Variants in LMNTD2 observed in about 807,000 individuals in gnomAD.
LMNTD2 encodes lamin tail domain-containing protein 2.
A neutral mutation model predicts 70.1 loss-of-function variants in LMNTD2; 83 were observed. The ratio of observed to expected loss-of-function variants is 1.18; its 90% CI spans 0.99 to 1.42. LMNTD2 has a LOEUF of 1.42. Ranked by LOEUF, LMNTD2 falls within the 40% of genes most tolerant of loss-of-function variation. The probability of loss-of-function intolerance (pLI) is 0.00; values close to 1 mark genes in which losing one functional copy is unlikely to be tolerated. For missense variants in LMNTD2, 1,153 were observed against 905.9 expected (o/e 1.27, Z -3.50); for synonymous variants, 534 against 406.1 (o/e 1.31, Z -3.79).
intron 7 of LMNTD2, 21 bp from the exon 8 acceptor site, chr11:557,118 G>C: frequency 2.6e-6 from 4 of 1,566,990 alleles, no homozygotes; most frequent in Non-Finnish European, 3.5e-6. Flanking sequence ...CGCTCTGCTT[G>C]ATGGCCACTC....
chr11:556,154 C>T (rs1034135367), intron 10 of LMNTD2, 38 bp downstream of exon 10: 110 of 1,314,484 alleles, frequency 8.4e-5, no homozygotes, highest in Non-Finnish European at 1.0e-4. Flanking sequence ...GGCGGCCGGG[C>T]CGGGCCGTCG....
In LMNTD2 at chr11:557,115, C is replaced by T; in HGVS notation, c.714-18G>A. 1.9e-6 allele frequency: 3 copies of T among 1,569,268 alleles called. No individual in the cohort carries two copies. Among genetic ancestry groups the T allele is most frequent in the Non-Finnish European group, 2.6e-6 (3 of 1,154,998 alleles). ...GGGGCTGCCTGTGGACCACGCTCTG[C>T]TTGATGGCCACTCCAGCTCCAGACC... is the stretch of plus-strand genomic sequence containing the variant. On this transcript the variant is annotated intron_variant, in intron 7 of 13. Transcript: ENST00000329451.
rs1326747154 is a variant in LMNTD2, at chr11:558,880, G to A, written c.134C>T (p.Pro45Leu). Residue 45 changes from proline to leucine, a missense_variant, in exon 2 of 14, where the codon CCG becomes CTG. By Grantham distance (98) the Pro-to-Leu change is moderately conservative. Coordinates refer to ENST00000329451, the MANE Select transcript of LMNTD2 (RefSeq NM_173573.3). ...CTGCGGGTCGGCAGAGCAGACCACC[G>A]GTGCGGGGTGGGGCGTGGTGTCTGG... ...CLPDTTPHPA[P>L]VVCSADPQLA... The A allele has an allele frequency of 6.8e-6, 11 of 1,609,978 alleles. No individual in the cohort carries two copies. Among genetic ancestry groups the A allele is most frequent in the Admixed American group, 1.7e-5 (1 of 59,950 alleles).
intron 8 of LMNTD2, 91 bp from the exon 9 acceptor site, chr11:556,679 G>T: frequency 7.1e-7 from 1 of 1,410,894 alleles, no homozygotes; most frequent in Non-Finnish European, 9.3e-7. Context: ...TGCAACGCCT[G>T]GCGGGGCAGG....
In LMNTD2 at chr11:554,854, G is replaced by T; in HGVS notation, c.*126C>A. ...CCAAACCAACATTTCCAGCTCTCAG[G>T]TGTACAGAAATGCGGTTTACTTTGT... On this transcript the variant is annotated 3_prime_UTR_variant, in exon 14 of 14. Coordinates refer to ENST00000329451, the MANE Select transcript of LMNTD2 (RefSeq NM_173573.3). 1.5e-6 allele frequency: 1 copy of T among 664,202 alleles called. No individual in the cohort carries two copies. The highest frequency in any genetic ancestry group is 2.4e-6 in the Non-Finnish European group (1 of 423,498). 41.1% of individuals were successfully genotyped at this position (664,202 alleles called of 1,614,324 possible). A position where few individuals can be genotyped will look rare whatever the true frequency, so the allele number is the denominator to read the frequency against.
In LMNTD2 at chr11:560,693, GCC is replaced by G; in HGVS notation, c.22_23del (p.Gly8GlnfsTer49). On this transcript the variant is annotated frameshift_variant, in exon 1 of 14. Transcript: ENST00000329451. LOFTEE classifies it high-confidence loss of function. Reference sequence around the variant, plus strand: ...GGGCCAGACACCTACCCCGACGCCTGCCCGCGGGCCGCAGCCACCGCATTTCC... The same window carrying G: ...GGGCCAGACACCTACCCCGACGCCTGCGCGGGCCGCAGCCACCGCATTTCC... MRWLRPAGRRREQESVSG... is the reference protein window; with the variant it reads MRWLRPAXRRREQESVSG... 6.9e-7 allele frequency: 1 copy of G among 1,440,872 alleles called. No homozygotes were observed. The highest frequency in any genetic ancestry group is 1.5e-5 in the African/African-American group (1 of 67,698). 89.3% of individuals were successfully genotyped at this position (1,440,872 alleles called of 1,614,324 possible).
chr11:558,699 G>T lies in LMNTD2; in HGVS notation c.226C>A (p.Gln76Lys). 6.2e-7 allele frequency: 1 copy of T among 1,606,160 alleles called. No homozygotes were observed. Among genetic ancestry groups the T allele is most frequent in the Non-Finnish European group, 8.5e-7 (1 of 1,177,422 alleles). ...LLWRQRELEI[Q>K]ALRWAIQNGE... Reference sequence around the variant, plus strand: ...TTCTGGATGGCCCACCGCAAGGCCTGGATCTCCAGTTCTCGCTGTCTCCAC... The same window carrying T: ...TTCTGGATGGCCCACCGCAAGGCCTTGATCTCCAGTTCTCGCTGTCTCCAC... Residue 76 changes from glutamine to lysine, a missense_variant, in exon 3 of 14, where the codon CAG (glutamine) becomes AAG (lysine). Transcript: ENST00000329451.
chr11:555,963 G>C, intron 11 of LMNTD2, 33 bp from the exon 12 acceptor site: 1 of 1,550,388 alleles, frequency 6.4e-7, no homozygotes, highest in Non-Finnish European at 8.6e-7. Flanking sequence ...CCACACCCCA[G>C]CCCCGGCCGC....
At chr11:555,700 G>A in intron 12 of LMNTD2, 34 bp downstream of exon 12, 1 of 1,371,928 alleles carries the variant, frequency 7.3e-7, no homozygotes, top group Non-Finnish European at 9.3e-7. Flanking sequence ...GGCCTGGGGA[G>A]GGAGGCCAGA....
At chr11:557,839 T>A in intron 5 of LMNTD2, 45 bp downstream of exon 5, 1 of 1,524,474 alleles carries the variant, frequency 6.6e-7, no homozygotes, top group Non-Finnish European at 8.8e-7. Flanking sequence ...TGGGGAGGGC[T>A]GGGGAGGGCA....
At chr11:555,559 G>A (rs903266486) in intron 12 of LMNTD2, 56 bp from the exon 13 acceptor site, 615 of 1,322,590 alleles carry the variant, frequency 4.6e-4, no homozygotes, top group Middle Eastern at 8.3e-4. Context: ...CGGCCCTAGA[G>A]GGCTCCGCGC....
Position 554,946 on chromosome 11 carries a change from C to A in LMNTD2, c.*34G>T. On this transcript the variant is annotated 3_prime_UTR_variant, in exon 14 of 14. Coordinates refer to ENST00000329451, the MANE Select transcript of LMNTD2 (RefSeq NM_173573.3). ...GCCCAGCCCCGGCGCCCGCCCGCGCCCTCCCTCGCGGTCCCGGCCCCACTC... is the reference window on the plus strand; with the variant it reads ...GCCCAGCCCCGGCGCCCGCCCGCGCACTCCCTCGCGGTCCCGGCCCCACTC... The A allele has an allele frequency of 6.8e-7, 1 of 1,464,030 alleles. No homozygotes were observed. The allele number at this position is 1,464,030 out of a possible 1,614,324, so 90.7% of individuals were successfully genotyped here.
At chr11:555,592 G>A in intron 12 of LMNTD2, 89 bp from the exon 13 acceptor site, 3 of 1,275,054 alleles carry the variant, frequency 2.4e-6, no homozygotes, top group Non-Finnish European at 3.0e-6. Context: ...AGGGGCCGCG[G>A]GGCGTACTGG....
Position 556,936 on chromosome 11 carries a change from A to G in LMNTD2, c.875T>C (p.Leu292Pro). Residue 292 changes from leucine to proline, a missense_variant, in exon 8 of 14, where the codon CTG becomes CCG. By Grantham distance (98) the Leu-to-Pro change is moderately conservative. Coordinates refer to ENST00000329451, the MANE Select transcript of LMNTD2 (RefSeq NM_173573.3). ...DSDSSSCRPG[L>P]PSFVQVIGHP... ...CCCTATCACCTGCACGAAGGAAGGC[A>G]GGCCCGGCCGGCAGCTGCTGGAGTC... 1 of 1,600,640 alleles carries G rather than the reference A, an allele frequency of 6.2e-7. No individual in the cohort carries two copies. Among genetic ancestry groups the G allele is most frequent in the African/African-American group, 1.3e-5 (1 of 74,968 alleles).
Position 555,714 on chromosome 11 carries a change from CG to C in LMNTD2, c.1574+19del, listed in dbSNP as rs2134092147. The stretch of plus-strand genomic sequence containing the variant: ...GGGCCTGGGGAGGGAGGCCAGATCC[CG>C]GGGACCCGCGGTCCCCACCCTGGTC... On this transcript the variant is annotated intron_variant, in intron 12 of 13. Coordinates refer to ENST00000329451, the MANE Select transcript of LMNTD2 (RefSeq NM_173573.3). 1.5e-6 allele frequency: 2 copies of C among 1,379,174 alleles called. No individual in the cohort carries two copies. The highest frequency in any genetic ancestry group is 9.3e-7 in the Non-Finnish European group (1 of 1,076,216). 85.4% of individuals were successfully genotyped at this position (1,379,174 alleles called of 1,614,324 possible). A position where few individuals can be genotyped will look rare whatever the true frequency, so the allele number is the denominator to read the frequency against.
intron 1 of LMNTD2, chr11:560,398 G>C: frequency 1.1e-5 from 13 of 1,219,282 alleles, no homozygotes; most frequent in Non-Finnish European, 1.3e-5. Context: ...CTTCTGAGCG[G>C]GCACCTCCCG....
chr11:559,415 C>G, intron 1 of LMNTD2: 1 of 1,309,170 alleles, frequency 7.6e-7, no homozygotes, highest in Non-Finnish European at 1.0e-6. Flanking sequence ...TACCAGCACC[C>G]AGAAGGGGTG....
chr11:560,322 T>C, intron 1 of LMNTD2: 1 of 1,091,308 alleles, frequency 9.2e-7, no homozygotes, highest in Non-Finnish European at 1.1e-6. Context: ...ACTGTGTGCA[T>C]GGCCTGGCAC....
chr11:559,284 G>T, intron 1 of LMNTD2: 1 of 1,467,156 alleles, frequency 6.8e-7, no homozygotes, highest in South Asian at 1.2e-5. Context: ...CTTTGCCTGT[G>T]ATGTGGTGTC....
Sources: gnomAD v4.1 joint callset for allele counts on GRCh38, gnomAD v4.1.1 for gene constraint, MANE v1.5 for transcripts, NCBI Gene and HGNC (gene_info 2026-07-23, HGNC 2026-07-21) for gene names.